WDR7: variants seen among roughly 807,000 people sequenced by gnomAD.
WDR7 encodes the protein WD repeat domain 7, also known as WD repeat-containing protein 7.
A neutral mutation model predicts 169.4 loss-of-function variants in WDR7; 46 were observed. That is an observed-to-expected ratio of 0.27 (90% CI 0.21 to 0.35). The LOEUF is 0.35. Ranked by LOEUF, WDR7 falls within the 10% of genes least tolerant of loss-of-function variation. The pLI is 1.00. For synonymous variants in WDR7, 612 were observed against 666.8 expected (o/e 0.92, Z 1.27); for missense variants, 1,534 against 1,859.3 (o/e 0.83, Z 3.22).
intron 16 of WDR7, among the ~76,000 whole-genome samples, chr18:56,760,271 C>A (rs189927559): frequency 6.6e-6 from 1 of 152,150 alleles, no homozygotes; most frequent in African/African-American, 2.4e-5. Flanking sequence ...CAGAAGCATC[C>A]TGCTTGTTCC....
chr18:56,672,313 C>T (rs926182166), intron 1 of WDR7, among the ~76,000 whole-genome samples, 184 bp from the exon 2 acceptor site: 5 of 151,742 alleles, frequency 3.3e-5, no homozygotes, highest in African/African-American at 9.7e-5. Flanking sequence ...TTTGTAAGCA[C>T]CTGAATCTAG....
chr18:56,778,831 A>G (rs2044276665), intron 17 of WDR7, among the ~76,000 whole-genome samples: 1 of 152,140 alleles, frequency 6.6e-6, no homozygotes, highest in Admixed American at 6.6e-5. Flanking sequence ...GAATGTCTGA[A>G]TTCATTTTTT....
At chr18:57,022,656 C>T (rs2048308233) in intron 27 of WDR7, among the ~76,000 whole-genome samples, 1 of 152,228 alleles carries the variant, frequency 6.6e-6, no homozygotes, top group African/African-American at 2.4e-5. Flanking sequence ...CTAAGATCTT[C>T]AAGGTTTTAT....
intron 25 of WDR7, among the ~76,000 whole-genome samples, chr18:56,949,851 A>G (rs2047156523): frequency 6.6e-6 from 1 of 152,214 alleles, no homozygotes; most frequent in Non-Finnish European, 1.5e-5. Flanking sequence ...ATTTAACAAT[A>G]TTAAAATAGC....
At chr18:56,784,460 C>T (rs1316383552) in intron 19 of WDR7, among the ~76,000 whole-genome samples, 1 of 152,126 alleles carries the variant, frequency 6.6e-6, no homozygotes, top group African/African-American at 2.4e-5. Context: ...TCTCCATAAT[C>T]CATTATATCA....
chr18:56,666,414 C>T (rs2025025917), intron 1 of WDR7, among the ~76,000 whole-genome samples: 1 of 151,774 alleles, frequency 6.6e-6, no homozygotes, highest in Non-Finnish European at 1.5e-5. Context: ...TTTGGTCAGG[C>T]TGGTCTCAAA....
At chr18:56,900,890 A>G (rs979859184) in intron 21 of WDR7, among the ~76,000 whole-genome samples, 3 of 152,136 alleles carry the variant, frequency 2.0e-5, no homozygotes, top group East Asian at 3.9e-4. Context: ...GACCTCTATC[A>G]ATGAAGCTTA....
At chr18:56,724,940 G>T (rs983527492) in intron 13 of WDR7, among the ~76,000 whole-genome samples, 1 of 152,060 alleles carries the variant, frequency 6.6e-6, no homozygotes, top group Non-Finnish European at 1.5e-5. Flanking sequence ...TGCTGAGAAT[G>T]ATGGTTTCCA....
rs188766694 is a variant in WDR7, at chr18:56,986,550, G to T, written c.4164+24021G>T. 1.6e-3 allele frequency among the ~76,000 whole-genome samples: 249 copies of T among 152,200 alleles called. 2 individuals are homozygous for T. Among genetic ancestry groups the T allele is most frequent in the Middle Eastern group, 6.8e-3 (2 of 294 alleles). On this transcript the variant is annotated intron_variant, in intron 26 of 27. Transcript: ENST00000254442. Reference sequence around the variant, plus strand: ...GATTTTTAAATTAAAGCTTTCAGAAGTGTGGCTTCAGAGGGTGGGGTGGTA... The same window carrying T: ...GATTTTTAAATTAAAGCTTTCAGAATTGTGGCTTCAGAGGGTGGGGTGGTA...
intron 20 of WDR7, among the ~76,000 whole-genome samples, chr18:56,851,428 G>A (rs1307425319): frequency 1.3e-5 from 2 of 152,132 alleles, no homozygotes; most frequent in Non-Finnish European, 2.9e-5. Context: ...CCTAGAGCAC[G>A]CTCTCGGCTA....
At chr18:56,773,172 T>G (rs1290965785) in intron 16 of WDR7, among the ~76,000 whole-genome samples, 1 of 152,170 alleles carries the variant, frequency 6.6e-6, no homozygotes, top group Non-Finnish European at 1.5e-5. Context: ...TGTAGATTAA[T>G]TTAATGAGGC....
At chr18:56,815,812 A>G (rs2044956784) in intron 19 of WDR7, among the ~76,000 whole-genome samples, 1 of 152,238 alleles carries the variant, frequency 6.6e-6, no homozygotes. Context: ...CTTGGTTAAA[A>G]GTAAATACAG....
intron 26 of WDR7, among the ~76,000 whole-genome samples, chr18:56,982,035 TC>T (rs151150346): frequency 0.023 from 3,518 of 152,280 alleles, 63 homozygotes; most frequent in African/African-American, 0.048. Context: ...TGTATACTGA[TC>T]AGTGTTAACA....
chr18:56,876,897 T>G (rs1411297518), intron 20 of WDR7, among the ~76,000 whole-genome samples: 1 of 151,924 alleles, frequency 6.6e-6, no homozygotes, highest in East Asian at 1.9e-4. Context: ...TAAAACTAAT[T>G]TGGGGCTGGG....
chr18:56,794,625 T>G (rs1379854619), intron 19 of WDR7, among the ~76,000 whole-genome samples: 1 of 152,050 alleles, frequency 6.6e-6, no homozygotes, highest in Non-Finnish European at 1.5e-5. Flanking sequence ...AGTCTATTTT[T>G]AAAAAGCCAA....
chr18:56,724,415 T>A (rs2026395515), intron 13 of WDR7, among the ~76,000 whole-genome samples: 1 of 151,810 alleles, frequency 6.6e-6, no homozygotes, highest in South Asian at 2.1e-4. Flanking sequence ...TTTCATCATG[T>A]TTGCCAGGTT....
At chr18:57,020,699 G>A in intron 26 of WDR7, 46 bp from the exon 27 acceptor site, 1 of 1,569,068 alleles carries the variant, frequency 6.4e-7, no homozygotes, top group Non-Finnish European at 8.8e-7. Flanking sequence ...ACTTGTAATT[G>A]TCCTGTGAAA....
At chr18:56,879,308 G>T (rs112222290) in intron 20 of WDR7, among the ~76,000 whole-genome samples, 1 of 152,206 alleles carries the variant, frequency 6.6e-6, no homozygotes, top group African/African-American at 2.4e-5. Flanking sequence ...TTTTATTGCA[G>T]CCATTCTCAT....
intron 19 of WDR7, among the ~76,000 whole-genome samples, chr18:56,810,459 C>T (rs1172052694): frequency 6.6e-6 from 1 of 151,970 alleles, no homozygotes; most frequent in Non-Finnish European, 1.5e-5. Context: ...TTGAAGTAAA[C>T]AAGTCAATCA....
Sources: gnomAD v4.1 joint callset for allele counts (sites outside exome capture counted in the v4.1 genomes callset) on GRCh38, gnomAD v4.1.1 for gene constraint, MANE v1.5 for transcripts, NCBI Gene and HGNC (gene_info 2026-07-23, HGNC 2026-07-21) for gene names.